Variants in RP1 observed in about 807,000 individuals in gnomAD.
RP1 encodes oxygen-regulated protein 1.
A neutral mutation model predicts 14.8 loss-of-function variants in RP1; 16 were observed. The ratio of observed to expected loss-of-function variants is 1.08; its 90% CI spans 0.73 to 1.65. The LOEUF (loss-of-function observed/expected upper bound fraction) is 1.65, where lower values mean the gene tolerates loss of function less well. Among genes scored for constraint, RP1 ranks in the 40% most tolerant of loss-of-function variants. The pLI, the probability that RP1 is intolerant of heterozygous loss-of-function variation, is 0.00. For synonymous variants in RP1, 876 were observed against 883.6 expected, an observed-to-expected ratio of 0.99 and a Z score of 0.15; for missense variants, 2,631 against 2,535.0, an observed-to-expected ratio of 1.04 and a Z score of -0.81.
intron 7 of RP1, among the ~76,000 whole-genome samples, chr8:54,668,767 A>C (rs895907759): frequency 3.3e-5 from 5 of 152,016 alleles, no homozygotes; most frequent in Non-Finnish European, 5.9e-5. Flanking sequence ...CAAAAACAAG[A>C]AATGGGGAAA....
chr8:54,565,497 G>A (rs1804383292), intron 1 of RP1, among the ~76,000 whole-genome samples: 2 of 152,168 alleles, frequency 1.3e-5, no homozygotes, highest in Admixed American at 6.5e-5. Context: ...CCCAGGAGGT[G>A]GAGGTTGCAA....
chr8:54,823,152 T>A (rs1188924986), intron 24 of RP1, among the ~76,000 whole-genome samples: 1 of 152,062 alleles, frequency 6.6e-6, no homozygotes, highest in Non-Finnish European at 1.5e-5. Flanking sequence ...AACTATTCCA[T>A]CCTGAGAAAG....
intron 1 of RP1, among the ~76,000 whole-genome samples, chr8:54,607,866 G>T (rs1027960431): frequency 6.6e-6 from 1 of 152,200 alleles, no homozygotes; most frequent in Non-Finnish European, 1.5e-5. Context: ...TAATCTCCTG[G>T]TGTGCCATTT....
At chr8:54,704,205 T>A (rs1250752899) in intron 14 of RP1, among the ~76,000 whole-genome samples, 1 of 152,202 alleles carries the variant, frequency 6.6e-6, no homozygotes. Flanking sequence ...CTAAGCTCAG[T>A]CATTTCTAGC....
chr8:54,569,175 C>T (rs1804470404), intron 1 of RP1, among the ~76,000 whole-genome samples: 1 of 152,136 alleles, frequency 6.6e-6, no homozygotes, highest in Non-Finnish European at 1.5e-5. Flanking sequence ...ATGTGTCAGT[C>T]AGAAGTGGGG....
chr8:54,825,241 G>C (rs1022240169), intron 24 of RP1, among the ~76,000 whole-genome samples: 10 of 152,152 alleles, frequency 6.6e-5, no homozygotes, highest in Admixed American at 2.6e-4. Context: ...TTACAGGCGT[G>C]AGTCACCGTG....
chr8:54,870,098 G>A (rs991333632), exon 29 of RP1: 2 of 393,574 alleles, frequency 5.1e-6, no homozygotes, highest in Non-Finnish European at 8.9e-6. Context: ...TCCAAAATTG[G>A]GAGGATGCAC....
At chr8:54,582,152 T>C (rs1400525978) in intron 1 of RP1, among the ~76,000 whole-genome samples, 9 of 152,202 alleles carry the variant, frequency 5.9e-5, no homozygotes, top group Non-Finnish European at 1.0e-4. Flanking sequence ...CATTTACGTC[T>C]TTAATCCATC....
At chr8:54,618,486 G>A (rs1434068036) in intron 1 of RP1, among the ~76,000 whole-genome samples, 1 of 152,076 alleles carries the variant, frequency 6.6e-6, no homozygotes, top group African/African-American at 2.4e-5. Context: ...CATTTAAAAA[G>A]TGACATTAAG....
At chr8:54,827,758 C>T (rs577296901) in intron 24 of RP1, among the ~76,000 whole-genome samples, 6 of 152,166 alleles carry the variant, frequency 3.9e-5, no homozygotes, top group South Asian at 2.1e-4. Flanking sequence ...ATTAGCCAGG[C>T]GTGGTGACAG....
chr8:54,766,101 T>C (rs1277075946), intron 22 of RP1, among the ~76,000 whole-genome samples: 1 of 152,168 alleles, frequency 6.6e-6, no homozygotes, highest in African/African-American at 2.4e-5. Context: ...ACCTAATCTT[T>C]GCATGAGTTC....
intron 26 of RP1, chr8:54,852,778 T>C (rs1271315290): frequency 1.2e-5 from 14 of 1,214,166 alleles, no homozygotes; most frequent in Non-Finnish European, 1.4e-5. Flanking sequence ...GTTCCTTTAA[T>C]TTATTTAACA....
intron 12 of RP1, among the ~76,000 whole-genome samples, chr8:54,695,271 C>T (rs567020353): frequency 6.6e-6 from 1 of 151,702 alleles, no homozygotes; most frequent in Admixed American, 6.6e-5. Context: ...TTTTTCTCAG[C>T]AGAAATAACT....
chr8:54,754,732 G>T (rs1809457215), intron 19 of RP1: 1 of 1,401,362 alleles, frequency 7.1e-7, no homozygotes, highest in Non-Finnish European at 9.4e-7. Flanking sequence ...TCCCTGGGAT[G>T]CATTGTGAAT....
rs566656687 is a variant in RP1 at position 54,661,727 on chromosome 8, A to T, written c.1172-1972A>T. Among the ~76,000 whole-genome samples the T allele has an allele frequency of 1.1e-4, 17 of 152,270 alleles. No homozygotes were observed. The South Asian group carries it at 3.5e-3, about 32-fold the overall frequency. ...TAGAATCTTTTTCTCTTCTTCTGGT[A>T]CTTCACGCCCATGAATATCAGGTAT... On this transcript the variant is annotated intron_variant, in intron 6 of 22. Coordinates refer to the RP1 transcript ENST00000636932.
At chr8:54,857,159 G>C (rs997769705) in intron 27 of RP1, 1 of 715,648 alleles carries the variant, frequency 1.4e-6, no homozygotes, top group Non-Finnish European at 1.9e-6. Context: ...ATGAAAAATC[G>C]TATAAGAAGC....
At chr8:54,585,928 T>C (rs938437192) in intron 1 of RP1, among the ~76,000 whole-genome samples, 5 of 152,332 alleles carry the variant, frequency 3.3e-5, no homozygotes, top group Admixed American at 3.3e-4. Flanking sequence ...TTAACTTCTT[T>C]GCCATGGGTT....
At chr8:54,708,751 T>A (rs893361) in intron 15 of RP1, among the ~76,000 whole-genome samples, 117,832 of 150,256 alleles carry the variant, frequency 0.78, 46,849 homozygotes, top group African/African-American at 0.92. Flanking sequence ...TGGTTATCTT[T>A]TTCTTCCCAG....
chr8:54,754,963 A>C (rs781363449), intron 20 of RP1: 2 of 1,472,808 alleles, frequency 1.4e-6, no homozygotes, highest in South Asian at 1.4e-5. Flanking sequence ...AGTAGCATCT[A>C]TTCCATAGAC....
Sources: allele counts gnomAD v4.1 joint callset (sites outside exome capture counted in the v4.1 genomes callset), GRCh38; gene constraint gnomAD v4.1.1; transcripts MANE v1.5; gene names NCBI Gene and HGNC (gene_info 2026-07-23, HGNC 2026-07-21).